FBXW8: variants seen among roughly 807,000 people sequenced by gnomAD.
FBXW8 encodes the protein F-box/WD repeat-containing protein 8.
A neutral mutation model predicts 65.3 loss-of-function variants in FBXW8; 57 were observed. That is an observed-to-expected ratio of 0.87 (90% CI 0.71 to 1.09). FBXW8 has a LOEUF of 1.09. Ranked by LOEUF, FBXW8 falls within the 50% of genes least tolerant of loss-of-function variation. FBXW8 has a pLI of 0.00. For synonymous variants in FBXW8, 308 were observed against 330.2 expected (o/e 0.93, Z 0.73); for missense variants, 777 against 814.8 (o/e 0.95, Z 0.57).
chr12:116,931,016 C>T (rs1881730271), intron 2 of FBXW8, among the ~76,000 whole-genome samples: 1 of 152,192 alleles, frequency 6.6e-6, no homozygotes, highest in Non-Finnish European at 1.5e-5. Flanking sequence ...CTTTGTTACC[C>T]AGGCTAGTCT....
chr12:116,946,970 A>G (rs1179696225), intron 3 of FBXW8, among the ~76,000 whole-genome samples: 1 of 152,022 alleles, frequency 6.6e-6, no homozygotes, highest in African/African-American at 2.4e-5. Flanking sequence ...AGTTGGAGAT[A>G]TTTGGCATCC....
chr12:116,954,846 C>G lies in FBXW8; in HGVS notation c.677+5140C>G, dbSNP rs551184923. 3.9e-4 allele frequency among the ~76,000 whole-genome samples: 59 copies of G among 152,264 alleles called. 2 individuals carry two copies. The highest frequency in any genetic ancestry group is 3.2e-3 in the Admixed American group (49 of 15,302). The stretch of plus-strand genomic sequence containing the variant: ...CTGTTAGTGCTGTACATAGTGAGAG[C>G]CCGTGCCTCCTGCCCCTCTTCCTTC... On this transcript the variant is annotated intron_variant, in intron 4 of 10. Coordinates refer to ENST00000652555, the MANE Select transcript of FBXW8 (RefSeq NM_153348.3).
intron 4 of FBXW8, among the ~76,000 whole-genome samples, chr12:116,955,690 G>A (rs543766269): frequency 6.6e-6 from 1 of 152,310 alleles, no homozygotes; most frequent in Non-Finnish European, 1.5e-5. Context: ...GTAGAAGAAA[G>A]GGGCATATGG....
intron 5 of FBXW8, among the ~76,000 whole-genome samples, chr12:116,970,527 G>A (rs1426233336): frequency 3.3e-5 from 5 of 152,156 alleles, no homozygotes; most frequent in African/African-American, 2.4e-5. Flanking sequence ...GCTTTTTAGC[G>A]GTGAACAGTA....
At chr12:116,958,482 C>G (rs1461927847) in intron 4 of FBXW8, among the ~76,000 whole-genome samples, 1 of 152,200 alleles carries the variant, frequency 6.6e-6, no homozygotes, top group Non-Finnish European at 1.5e-5. Flanking sequence ...TAAACCACTT[C>G]CATCTTCTGG....
chr12:116,975,980 A>C (rs772500491), intron 5 of FBXW8, among the ~76,000 whole-genome samples: 2 of 152,234 alleles, frequency 1.3e-5, no homozygotes, highest in Non-Finnish European at 1.5e-5. Flanking sequence ...ATGTTGCATC[A>C]GCGTTAATTT....
At chr12:116,945,343 G>C (rs369100923) in intron 2 of FBXW8, 21 bp from the exon 3 acceptor site, 391 of 1,593,672 alleles carry the variant, frequency 2.5e-4, no homozygotes, top group Non-Finnish European at 3.1e-4. Context: ...TTTGACATTT[G>C]TGTCACTTCT....
intron 8 of FBXW8, among the ~76,000 whole-genome samples, chr12:117,014,474 T>C (rs931338731): frequency 2.0e-5 from 3 of 152,208 alleles, no homozygotes; most frequent in Non-Finnish European, 4.4e-5. Context: ...ATTTTCCCGT[T>C]TGGCTTTTGG....
intron 6 of FBXW8, among the ~76,000 whole-genome samples, chr12:116,987,890 C>T (rs12300945): frequency 0.023 from 3,463 of 152,236 alleles, 121 homozygotes; most frequent in African/African-American, 0.076. Context: ...GCGAGTCAAG[C>T]GCATTGTGTA....
intron 5 of FBXW8, among the ~76,000 whole-genome samples, chr12:116,968,118 G>A (rs1486544130): frequency 6.6e-6 from 1 of 152,002 alleles, no homozygotes; most frequent in Non-Finnish European, 1.5e-5. Context: ...CTTGGTATGT[G>A]TGAACAATGT....
rs1953166610 is a variant in FBXW8, at chr12:116,988,829, T to C, written c.1199T>C (p.Phe400Ser). 6.2e-7 allele frequency: 1 copy of C among 1,614,114 alleles called. No homozygotes were observed. Residue 400 changes from phenylalanine (F) to serine (S), a missense_variant, in exon 7 of 11, where the codon TTT becomes TCT. Coordinates refer to ENST00000652555, the MANE Select transcript of FBXW8 (RefSeq NM_153348.3). ...CLDVSANQVA[F>S]GVQGLGWVYE... is the part of the protein sequence containing the mutation. The stretch of plus-strand genomic sequence containing the variant: ...GACGTCTCGGCCAACCAAGTTGCTT[T>C]TGGTGTACAGGGTCTGGGATGGGTG...
intron 7 of FBXW8, among the ~76,000 whole-genome samples, chr12:117,006,772 G>A (rs1251428352): frequency 2.6e-5 from 4 of 152,240 alleles, no homozygotes; most frequent in African/African-American, 7.2e-5. Flanking sequence ...GTCCCTGCAC[G>A]TTCATTCCAG....
intron 7 of FBXW8, among the ~76,000 whole-genome samples, chr12:116,992,210 C>G (rs1953257955): frequency 6.6e-6 from 1 of 152,082 alleles, no homozygotes; most frequent in South Asian, 2.1e-4. Flanking sequence ...GCTGGCTGAT[C>G]AGTCACCTCC....
chr12:116,970,524 A>G (rs1884590844), intron 5 of FBXW8, among the ~76,000 whole-genome samples: 1 of 152,198 alleles, frequency 6.6e-6, no homozygotes, highest in African/African-American at 2.4e-5. Flanking sequence ...GCTGCTTTTT[A>G]GCGGTGAACA....
chr12:116,922,571 GTTC>G (rs1039993445), intron 1 of FBXW8, among the ~76,000 whole-genome samples: 8 of 152,232 alleles, frequency 5.3e-5, no homozygotes, highest in Non-Finnish European at 7.4e-5. Context: ...GTAATTATCT[GTTC>G]TTCTATTAAA....
intron 7 of FBXW8, among the ~76,000 whole-genome samples, chr12:117,004,771 C>T (rs1413398284): frequency 7.5e-5 from 4 of 53,156 alleles, no homozygotes; most frequent in African/African-American, 1.5e-3. Context: ...TGCTTGGTCT[C>T]CTGTTTCCCC....
At chr12:116,954,914 A>G (rs559976865) in intron 4 of FBXW8, among the ~76,000 whole-genome samples, 5 of 151,146 alleles carry the variant, frequency 3.3e-5, no homozygotes, top group Non-Finnish European at 7.4e-5. Context: ...TCCCAGCCCC[A>G]CTGTGCTGCA....
chr12:117,006,174 A>G (rs975010095), intron 7 of FBXW8, among the ~76,000 whole-genome samples: 6 of 152,164 alleles, frequency 3.9e-5, no homozygotes, highest in Non-Finnish European at 5.9e-5. Flanking sequence ...GTATTTGAGT[A>G]TGAAGACTCA....
chr12:116,959,608 G>A (rs549061116), intron 4 of FBXW8, among the ~76,000 whole-genome samples: 2 of 152,194 alleles, frequency 1.3e-5, no homozygotes, highest in Admixed American at 6.5e-5. Context: ...AAGAAGAAAG[G>A]TTGTTTTTAG....
Sources: allele counts gnomAD v4.1 joint callset (sites outside exome capture counted in the v4.1 genomes callset), GRCh38; gene constraint gnomAD v4.1.1; transcripts MANE v1.5; gene names NCBI Gene and HGNC (gene_info 2026-07-23, HGNC 2026-07-21).